PRIM2: variants seen among roughly 807,000 people sequenced by gnomAD.
PRIM2 encodes the protein DNA primase subunit 2, also known as DNA primase large subunit.
PRIM2 carries 39 observed loss-of-function variants against 67.3 expected under a neutral mutation model. That is an observed-to-expected ratio of 0.58 (90% confidence interval 0.45 to 0.76). The LOEUF is 0.76. Among genes scored for constraint, PRIM2 ranks in the 30% least tolerant of loss-of-function variants. The pLI, the probability that PRIM2 is intolerant of heterozygous loss-of-function variation, is 0.00. For synonymous variants in PRIM2, 143 were observed against 198.7 expected (o/e 0.72, Z 2.36); for missense variants, 398 against 598.7 (o/e 0.66, Z 3.50).
chr6:57,613,137 T>A (rs1776695943), intron 12 of PRIM2, among the ~76,000 whole-genome samples: 1 of 152,106 alleles, frequency 6.6e-6, no homozygotes, highest in African/African-American at 2.4e-5. Flanking sequence ...GTAAGTAGCA[T>A]AATGAGCCAA....
the PRIM2 span, among the ~76,000 whole-genome samples, chr6:57,243,636 T>C: frequency 6.6e-6 from 1 of 151,908 alleles, no homozygotes; most frequent in Non-Finnish European, 1.5e-5. Context: ...GCCCCGACTC[T>C]TTTTTTTATT....
intron 5 of PRIM2, among the ~76,000 whole-genome samples, chr6:57,336,887 A>G (rs1431589705): frequency 2.0e-5 from 3 of 152,200 alleles, no homozygotes; most frequent in Non-Finnish European, 2.9e-5. Context: ...AATGGACTAA[A>G]TGCTCCAATT....
At chr6:57,434,833 T>G (rs1169348969) in intron 7 of PRIM2, 1 of 152,186 alleles carries the variant, frequency 6.6e-6, no homozygotes, top group Non-Finnish European at 1.5e-5. Flanking sequence ...CCAGGCTGGA[T>G]GGCACAATCT....
intron 5 of PRIM2, among the ~76,000 whole-genome samples, chr6:57,333,138 G>C (rs931153025): frequency 6.6e-5 from 10 of 151,964 alleles, no homozygotes; most frequent in Non-Finnish European, 1.0e-4. Flanking sequence ...ACAAACTTTT[G>C]TTCCCATATG....
intron 10 of PRIM2, among the ~76,000 whole-genome samples, chr6:57,551,817 G>A (rs1775409628): frequency 6.6e-6 from 1 of 152,308 alleles, no homozygotes; most frequent in South Asian, 2.1e-4. Context: ...TTTAGTGCCT[G>A]GATGTGGTTT....
chr6:57,293,499 G>T, the PRIM2 span, among the ~76,000 whole-genome samples: 1 of 152,212 alleles, frequency 6.6e-6, no homozygotes, highest in East Asian at 1.9e-4. Flanking sequence ...TATACCCAAA[G>T]GATTATAAAT....
chr6:57,335,752 A>G (rs1768218167), intron 5 of PRIM2, among the ~76,000 whole-genome samples: 1 of 152,220 alleles, frequency 6.6e-6, no homozygotes, highest in Non-Finnish European at 1.5e-5. Context: ...AACCACAAAG[A>G]TGGGGAAAAA....
At chr6:57,233,926 G>A in the PRIM2 span, among the ~76,000 whole-genome samples, 1 of 152,204 alleles carries the variant, frequency 6.6e-6, no homozygotes, top group South Asian at 2.1e-4. Flanking sequence ...GCCTCCCAAA[G>A]TATTGGAATT....
intron 8 of PRIM2, among the ~76,000 whole-genome samples, chr6:57,514,317 C>G (rs1774435617): frequency 6.6e-6 from 1 of 152,150 alleles, no homozygotes; most frequent in East Asian, 1.9e-4. Context: ...TGAATTAGTT[C>G]TGATTTTGAA....
chr6:57,325,821 C>T lies in PRIM2; in HGVS notation c.339-104C>T, dbSNP rs1767831362. The T allele has an allele frequency of 6.1e-6, 7 of 1,140,686 alleles. No homozygotes were observed. In the South Asian group the frequency reaches 8.8e-5, roughly 14 times the overall value. 70.7% of individuals were successfully genotyped at this position (1,140,686 alleles called of 1,614,324 possible). A position where few individuals can be genotyped will look rare whatever the true frequency, so the allele number is the denominator to read the frequency against. On this transcript the variant is annotated intron_variant, in intron 4 of 13. Transcript: ENST00000615550. ...GACTTGCATGTTTTTAACTGCTGTC[C>T]ATTGGCATCTTGCTGATGTTTGAAT...
chr6:57,395,240 C>T (rs1770482929), intron 7 of PRIM2, among the ~76,000 whole-genome samples: 1 of 152,094 alleles, frequency 6.6e-6, no homozygotes, highest in African/African-American at 2.4e-5. Flanking sequence ...AGGATTGGTA[C>T]CAATTCTTCT....
At chr6:57,430,327 G>T (rs1193927913) in intron 7 of PRIM2, among the ~76,000 whole-genome samples, 8 of 151,986 alleles carry the variant, frequency 5.3e-5, no homozygotes, top group Non-Finnish European at 8.8e-5. Flanking sequence ...ATAGCATTAA[G>T]TAGCTAGTAA....
At chr6:57,313,168 G>A (rs1011147803), upstream of PRIM2, among the ~76,000 whole-genome samples, 1 of 151,998 alleles carries the variant, frequency 6.6e-6, no homozygotes, top group Non-Finnish European at 1.5e-5. Context: ...TTTTCTTCTG[G>A]TCTCTGTTTC....
intron 7 of PRIM2, among the ~76,000 whole-genome samples, chr6:57,412,556 C>G (rs1771125171): frequency 6.6e-6 from 1 of 151,540 alleles, no homozygotes; most frequent in Non-Finnish European, 1.5e-5. Flanking sequence ...TGTACTTCTC[C>G]ACATGATATA....
chr6:57,441,044 C>T (rs1772188631), intron 7 of PRIM2, among the ~76,000 whole-genome samples: 1 of 152,124 alleles, frequency 6.6e-6, no homozygotes, highest in East Asian at 1.9e-4. Flanking sequence ...CTATTTATTG[C>T]TTGCTGAAGT....
chr6:57,362,113 T>C (rs117627146), intron 5 of PRIM2, among the ~76,000 whole-genome samples: 27 of 152,258 alleles, frequency 1.8e-4, no homozygotes, highest in Admixed American at 3.9e-4. Context: ...TAGGATACCT[T>C]TGTCAAAGCC....
intron 10 of PRIM2, among the ~76,000 whole-genome samples, chr6:57,547,937 G>A (rs1775322318): frequency 1.3e-5 from 2 of 152,308 alleles, no homozygotes; most frequent in East Asian, 1.9e-4. Context: ...TCAGAGACCA[G>A]TAGATCTCAG....
chr6:57,388,608 A>T (rs919855205), intron 7 of PRIM2, among the ~76,000 whole-genome samples: 4 of 152,152 alleles, frequency 2.6e-5, no homozygotes, highest in African/African-American at 9.7e-5. Flanking sequence ...TAGTATCTTT[A>T]TACAGGTAGT....
intron 8 of PRIM2, among the ~76,000 whole-genome samples, chr6:57,527,997 T>C (rs1774797199): frequency 6.6e-6 from 1 of 152,056 alleles, no homozygotes; most frequent in Admixed American, 6.5e-5. Context: ...AGGGTCTCAA[T>C]CCCTCATCCA....
Sources: gnomAD v4.1 joint callset for allele counts (sites outside exome capture counted in the v4.1 genomes callset) on GRCh38, gnomAD v4.1.1 for gene constraint, MANE v1.5 for transcripts, NCBI Gene and HGNC (gene_info 2026-07-23, HGNC 2026-07-21) for gene names.